The following TES variants were observed in gnomAD, a reference collection of about 807,000 sequenced individuals.
The protein encoded by TES is testin.
Under a neutral mutation model 48.2 loss-of-function variants are expected in TES, and 41 were observed. The ratio of observed to expected loss-of-function variants is 0.85; its 90% CI spans 0.66 to 1.10. The LOEUF is 1.10. Among genes scored for constraint, TES ranks in the 50% least tolerant of loss-of-function variants. The pLI is 0.00. For missense variants in TES, 463 were observed against 515.1 expected (o/e 0.90, Z 0.98); for synonymous variants, 162 against 174.9 (o/e 0.93, Z 0.58).
intron 1 of TES, among the ~76,000 whole-genome samples, chr7:116,224,737 C>G (rs983271806): frequency 6.7e-4 from 102 of 152,090 alleles, no homozygotes; most frequent in Non-Finnish European, 1.0e-4. Flanking sequence ...CAGGTTTTGC[C>G]TAGGATGGAG....
chr7:116,243,336 T>A (rs1799874319), intron 2 of TES, among the ~76,000 whole-genome samples: 1 of 152,168 alleles, frequency 6.6e-6, no homozygotes, highest in African/African-American at 2.4e-5. Context: ...GTATATTGCT[T>A]CCAGCTTAAA....
At chr7:116,244,312 A>C (rs576254661) in intron 2 of TES, among the ~76,000 whole-genome samples, 7 of 152,344 alleles carry the variant, frequency 4.6e-5, no homozygotes, top group Admixed American at 6.5e-5. Context: ...AAAGCAAGTT[A>C]GTTACTTCCT....
intron 1 of TES, among the ~76,000 whole-genome samples, chr7:116,223,996 A>C (rs1008549852): frequency 3.3e-5 from 5 of 152,222 alleles, no homozygotes; most frequent in African/African-American, 1.2e-4. Context: ...TTGCCAAAAA[A>C]TGAAATGTGG....
Position 116,251,870 on chromosome 7 carries a change from C to T in TES, c.813C>T (p.Cys271=), listed in dbSNP as rs1800017340. 4 of 1,614,106 alleles carry T rather than the reference C, an allele frequency of 2.5e-6. No individual in the cohort carries two copies. Among genetic ancestry groups the T allele is most frequent in the Non-Finnish European group, 3.4e-6 (4 of 1,180,020 alleles). ...WHPACFVCST[C]HELLVDMIYF... is the part of the protein sequence containing the mutation. Reference sequence around the variant, plus strand: ...CAGCTTGTTTTGTCTGCAGCACCTGCCATGAACTCCTGGTTGACATGATTT... The same window carrying T: ...CAGCTTGTTTTGTCTGCAGCACCTGTCATGAACTCCTGGTTGACATGATTT... Residue 271 remains cysteine, a synonymous_variant, in exon 5 of 7, where the codon TGC becomes TGT. Coordinates refer to ENST00000358204, the MANE Select transcript of TES (RefSeq NM_015641.4).
At chr7:116,252,243 C>T in intron 5 of TES, 75 bp from the exon 6 acceptor site, 1 of 1,460,302 alleles carries the variant, frequency 6.8e-7, no homozygotes. Flanking sequence ...ACTTTAGACC[C>T]TGAGAAAGTA....
rs374935674 is a variant in TES, at chr7:116,247,144, A to C, written c.114-1876A>C. On this transcript the variant is annotated intron_variant, in intron 2 of 6. Coordinates refer to ENST00000358204, the MANE Select transcript of TES (RefSeq NM_015641.4). ...GGTAGGTGGCAATAAGTGTTTGAAG[A>C]AATAAAATAAGGGAAGGAAAGAGAA... Among the ~76,000 whole-genome samples, 43 of 152,150 alleles carry C rather than the reference A, an allele frequency of 2.8e-4. No homozygotes were observed. The East Asian group carries it at 7.2e-3, about 25-fold the overall frequency.
chr7:116,250,324 A>AT lies in TES; in HGVS notation c.530_531insT (p.Gln177HisfsTer7), dbSNP rs1799986256. The AT allele has an allele frequency of 6.2e-7, 1 of 1,613,604 alleles. No homozygotes were observed. The highest frequency in any genetic ancestry group is 1.1e-5 in the South Asian group (1 of 90,948). On this transcript the variant is annotated frameshift_variant, in exon 4 of 7. Transcript: ENST00000358204. LOFTEE classifies it high-confidence loss of function. ...CCCAGAGAGGTGAAGGAGATGGAGC[A>AT]GTTTGTGAAGAAATATAAGAGCGAA...
At chr7:116,211,222 A>G (rs889775052) in intron 1 of TES, 1 of 153,288 alleles carries the variant, frequency 6.5e-6, no homozygotes. Context: ...GCGCTCTAAA[A>G]TGAGTGTTGA....
At chr7:116,254,685 G>A (rs532640444) in intron 6 of TES, among the ~76,000 whole-genome samples, 25 of 151,982 alleles carry the variant, frequency 1.6e-4, no homozygotes, top group Non-Finnish European at 2.5e-4. Flanking sequence ...GCAATGAGCC[G>A]AGATCCTGCC....
intron 2 of TES, among the ~76,000 whole-genome samples, chr7:116,237,615 A>G (rs1015511160): frequency 6.6e-6 from 1 of 152,164 alleles, no homozygotes; most frequent in Non-Finnish European, 1.5e-5. Context: ...CAGCTCAAGA[A>G]ATACCTCTGA....
intron 2 of TES, among the ~76,000 whole-genome samples, chr7:116,240,987 T>C (rs1799840692): frequency 6.6e-6 from 1 of 152,194 alleles, no homozygotes; most frequent in Non-Finnish European, 1.5e-5. Flanking sequence ...GTTTGTGTTT[T>C]TGTTTTAGGT....
chr7:116,238,585 C>CATTTATTATT, intron 2 of TES, among the ~76,000 whole-genome samples: 1 of 129,364 alleles, frequency 7.7e-6, no homozygotes, highest in Non-Finnish European at 1.8e-5. Flanking sequence ...CAACATCCAT[C>CATTTATTATT]ATTATTATTA....
chr7:116,223,802 A>T (rs1322920814), intron 1 of TES, among the ~76,000 whole-genome samples: 1 of 152,176 alleles, frequency 6.6e-6, no homozygotes, highest in Non-Finnish European at 1.5e-5. Context: ...AGTACCCCAT[A>T]TACCCCTGTT....
chr7:116,247,291 AAAAC>A (rs1403830284), intron 2 of TES, among the ~76,000 whole-genome samples: 25 of 152,294 alleles, frequency 1.6e-4, no homozygotes, highest in African/African-American at 4.3e-4. Flanking sequence ...TCTCACTAAA[AAAAC>A]AAACAAACAA....
In TES at chr7:116,234,551, G is replaced by A; in HGVS notation, c.45G>A (p.Glu15=). ...TTTAACAGATGGGCTTAGGTCACGA[G>A]CAAGGATTTGGAGCCCCTTGTTTAA... is the stretch of plus-strand genomic sequence containing the variant. ...NKVKKMGLGH[E]QGFGAPCLKC... The change falls in exon 2 of 7, where the codon GAG becomes GAA. Residue 15 remains glutamate (E), a synonymous_variant. Coordinates refer to ENST00000358204, the MANE Select transcript of TES (RefSeq NM_015641.4). 1 of 1,613,844 alleles carries A rather than the reference G, an allele frequency of 6.2e-7. No homozygotes were observed. The highest frequency in any genetic ancestry group is 8.5e-7 in the Non-Finnish European group (1 of 1,179,772).
At position 116,250,080 on chromosome 7, in the gene TES, A is replaced by G. The variant is rs371653137; in HGVS notation, c.367-81A>G. The G allele has an allele frequency of 5.2e-5, 64 of 1,221,932 alleles. No individual in the cohort carries two copies. The African/African-American group carries it at 8.6e-4, about 16-fold the overall frequency. 75.7% of individuals were successfully genotyped at this position (1,221,932 alleles called of 1,614,324 possible). A position where few individuals can be genotyped will look rare whatever the true frequency, so the allele number is the denominator to read the frequency against. ...GATAGAACCCACTTCTTTCTTAAGT[A>G]ACTTGCTTCTGATGTGTGTTATGAA... On this transcript the variant is annotated intron_variant, in intron 3 of 6. Transcript: ENST00000358204.
intron 1 of TES, among the ~76,000 whole-genome samples, chr7:116,216,783 C>A (rs964464117): frequency 2.6e-5 from 4 of 151,868 alleles, no homozygotes; most frequent in Admixed American, 6.6e-5. Flanking sequence ...TAATTTAAAT[C>A]TGTAGTATAA....
intron 1 of TES, among the ~76,000 whole-genome samples, chr7:116,227,728 A>G (rs73454600): frequency 0.012 from 1,901 of 152,216 alleles, 42 homozygotes; most frequent in African/African-American, 0.042. Context: ...TGATAGGTGG[A>G]TAAACATGCA....
chr7:116,257,455 A>G lies in TES; in HGVS notation c.1239A>G (p.Ser413=). 1.2e-6 allele frequency: 2 copies of G among 1,612,984 alleles called. No homozygotes were observed. The highest frequency in any genetic ancestry group is 1.7e-6 in the Non-Finnish European group (2 of 1,179,510). ...FMPVEGMVFC[S]VECKKRMS ...CAGTAGAAGGGATGGTTTTCTGTTC[A>G]GTGGAATGTAAGAAGAGGATGTCTT... is the stretch of plus-strand genomic sequence containing the variant. Residue 413 remains serine (S), a synonymous_variant, in exon 7 of 7, where the codon TCA becomes TCG. Transcript: ENST00000358204.
Sources: gnomAD v4.1 joint callset for allele counts (sites outside exome capture counted in the v4.1 genomes callset) on GRCh38, gnomAD v4.1.1 for gene constraint, MANE v1.5 for transcripts, NCBI Gene and HGNC (gene_info 2026-07-23, HGNC 2026-07-21) for gene names.